The following RFLNA variants were observed in gnomAD, a reference collection of about 807,000 sequenced individuals.
RFLNA encodes the protein refilin-A.
Under a neutral mutation model 7.8 loss-of-function variants are expected in RFLNA, and 5 were observed. The ratio of observed to expected loss-of-function variants is 0.64; its 90% CI spans 0.34 to 1.35. The LOEUF (loss-of-function observed/expected upper bound fraction) is 1.35, where lower values mean the gene tolerates loss of function less well. Ranked by LOEUF, RFLNA falls within the 40% of genes most tolerant of loss-of-function variation. RFLNA has a pLI of 0.04. For synonymous variants in RFLNA, 141 were observed against 131.3 expected, an observed-to-expected ratio of 1.07 and a Z score of -0.50; for missense variants, 278 against 305.5, an observed-to-expected ratio of 0.91 and a Z score of 0.67.
intron 1 of RFLNA, among the ~76,000 whole-genome samples, chr12:124,300,773 TTGAC>T (rs775519614): frequency 0.068 from 4,869 of 71,100 alleles, 105 homozygotes; most frequent in African/African-American, 0.15. Context: ...GATGGATGGA[TTGAC>T]GGATGGATGG....
At chr12:124,311,761 G>A in intron 1 of RFLNA, 57 bp from the exon 2 acceptor site, 1 of 1,434,282 alleles carries the variant, frequency 7.0e-7, no homozygotes, top group Admixed American at 2.4e-5. Context: ...CCAGCAGGGA[G>A]CTGAGGCCAC....
intron 1 of RFLNA, among the ~76,000 whole-genome samples, chr12:124,297,066 A>T (rs1450000457): frequency 6.6e-6 from 1 of 152,162 alleles, no homozygotes; most frequent in Non-Finnish European, 1.5e-5. Context: ...GGGACTTGGC[A>T]CTGTCGCCCA....
rs568753903 is a variant in RFLNA at position 124,295,658 on chromosome 12, C to T, written c.207+22C>T. 1,470 of 1,233,084 alleles carry T rather than the reference C, an allele frequency of 1.2e-3. 15 individuals carry two copies. In the African/African-American group the frequency reaches 0.021, roughly 17 times the overall value. The allele number at this position is 1,233,084 out of a possible 1,614,324, so 76.4% of individuals were successfully genotyped here. ...AGCGGTAAGGAGGCGCTCTCTCTCCCAAACGGGGGACCGCGTGGGCGGGTG... is the reference window on the plus strand; with the variant it reads ...AGCGGTAAGGAGGCGCTCTCTCTCCTAAACGGGGGACCGCGTGGGCGGGTG... On this transcript the variant is annotated intron_variant, in intron 1 of 2. Coordinates refer to ENST00000546355, the MANE Select transcript of RFLNA (RefSeq NM_001365156.1).
intron 1 of RFLNA, among the ~76,000 whole-genome samples, chr12:124,307,936 C>A (rs536807510): frequency 6.6e-6 from 1 of 152,110 alleles, no homozygotes; most frequent in African/African-American, 2.4e-5. Flanking sequence ...GTGGTTGTGC[C>A]CCTGCCATCC....
chr12:124,290,490 T>A (rs1484067420), upstream of RFLNA, among the ~76,000 whole-genome samples: 1 of 137,844 alleles, frequency 7.3e-6, no homozygotes, highest in Non-Finnish European at 1.7e-5. The surrounding 1 kb of genome is among the most constrained non-coding windows in gnomAD (Gnocchi z 4.0). Context: ...TGTGTACACA[T>A]GTGTATTGTG....
rs146127172 is a variant in RFLNA, at chr12:124,304,131, C to T, written c.208-7687C>T. ...CCCAGGCTGGCTGGAGTCCACAGGG[C>T]GCCACGACCGTTTCGATGTTCGAAT... On this transcript the variant is annotated intron_variant, in intron 1 of 2. Transcript: ENST00000546355. Among the ~76,000 whole-genome samples, 9 of 152,380 alleles carry T rather than the reference C, an allele frequency of 5.9e-5. No individual in the cohort carries two copies. The East Asian group carries it at 1.5e-3, about 26-fold the overall frequency.
At position 124,314,497 on chromosome 12, in the gene RFLNA, C is replaced by A. The variant is rs750740794; in HGVS notation, c.623C>A (p.Pro208His). The A allele has an allele frequency of 1.4e-5, 23 of 1,593,020 alleles. No individual in the cohort carries two copies. The highest frequency in any genetic ancestry group is 2.0e-5 in the Non-Finnish European group (23 of 1,176,928). ...VQLQLCQDPAPSLLGPATL is the reference protein window; with the variant it reads ...VQLQLCQDPAHSLLGPATL Reference sequence around the variant, plus strand: ...CTGCAGCTTTGCCAGGACCCTGCCCCCAGCCTCCTGGGCCCTGCCACGCTC... The same window carrying A: ...CTGCAGCTTTGCCAGGACCCTGCCCACAGCCTCCTGGGCCCTGCCACGCTC... The change falls in exon 3 of 3, where the codon CCC (proline) becomes CAC (histidine). Residue 208 changes from proline to histidine, a missense_variant. Physicochemically the swap from Pro to His is moderately conservative, Grantham distance 77. Transcript: ENST00000546355.
intron 1 of RFLNA, among the ~76,000 whole-genome samples, chr12:124,299,393 G>C (rs1187706097): frequency 2.0e-5 from 3 of 152,212 alleles, no homozygotes; most frequent in East Asian, 1.9e-4. Context: ...GGGAACAGGT[G>C]GTATTTGGTG....
chr12:124,314,954 T>C lies in RFLNA; in HGVS notation c.*429T>C. On this transcript the variant is annotated 3_prime_UTR_variant, in exon 3 of 3. Transcript: ENST00000546355. Reference sequence around the variant, plus strand: ...CAGAGCCCTGCCACCCCATGTGTCCTAGGCTGGTGGCCAAGGCCATGTGTG... The same window carrying C: ...CAGAGCCCTGCCACCCCATGTGTCCCAGGCTGGTGGCCAAGGCCATGTGTG... 2.9e-6 allele frequency: 1 copy of C among 343,820 alleles called. No individual in the cohort carries two copies. Among genetic ancestry groups the C allele is most frequent in the East Asian group, 7.6e-5 (1 of 13,242 alleles). The allele number at this position is 343,820 out of a possible 1,614,324, so 21.3% of individuals were successfully genotyped here.
intron 1 of RFLNA, among the ~76,000 whole-genome samples, chr12:124,311,158 C>G (rs1460641778): frequency 6.6e-6 from 1 of 152,178 alleles, no homozygotes; most frequent in African/African-American, 2.4e-5. Context: ...TCTCATTGGC[C>G]CAGTGTGGGT....
At chr12:124,296,128 C>CTTTT (rs1593024627) in intron 1 of RFLNA, among the ~76,000 whole-genome samples, 1 of 3,154 alleles carries the variant, frequency 3.2e-4, no homozygotes, top group Admixed American at 8.1e-3. Flanking sequence ...TTCTTTCTCT[C>CTTTT]TCTCTCTCTC....
chr12:124,296,446 G>C (rs908150820), intron 1 of RFLNA, among the ~76,000 whole-genome samples: 10 of 150,254 alleles, frequency 6.7e-5, no homozygotes, highest in African/African-American at 2.4e-4. Context: ...CGCCTTTGCA[G>C]CCTGAGGAAA....
At chr12:124,299,718 C>G (rs1013222459) in intron 1 of RFLNA, among the ~76,000 whole-genome samples, 1 of 152,216 alleles carries the variant, frequency 6.6e-6, no homozygotes, top group African/African-American at 2.4e-5. Context: ...CATTCCATGG[C>G]GTATATATAT....
chr12:124,302,550 C>A (rs181715808), intron 1 of RFLNA, among the ~76,000 whole-genome samples: 1 of 152,228 alleles, frequency 6.6e-6, no homozygotes, highest in Non-Finnish European at 1.5e-5. Context: ...AAGACCCACC[C>A]CTGCCCCGGC....
intron 1 of RFLNA, among the ~76,000 whole-genome samples, chr12:124,301,090 G>A (rs574932964): frequency 3.3e-5 from 5 of 152,308 alleles, no homozygotes; most frequent in African/African-American, 7.2e-5. Context: ...GAAGGTGTCT[G>A]AGCAAGCTAA....
chr12:124,307,837 G>A (rs976068153), intron 1 of RFLNA, among the ~76,000 whole-genome samples: 7 of 152,200 alleles, frequency 4.6e-5, no homozygotes, highest in Non-Finnish European at 7.3e-5. Context: ...CAATCGAGGT[G>A]TGAGCAGGGC....
intron 1 of RFLNA, among the ~76,000 whole-genome samples, chr12:124,300,758 GGATGGATGGATGGATT>G (rs1344310554): frequency 6.4e-5 from 9 of 139,670 alleles, no homozygotes; most frequent in African/African-American, 1.1e-4. Flanking sequence ...ATGGATGGAT[GGATGGATGGATGGATT>G]GACGGATGGA....
At position 124,306,313 on chromosome 12, in the gene RFLNA, C is replaced by T. The variant is rs1387963192; in HGVS notation, c.208-5505C>T. On this transcript the variant is annotated intron_variant, in intron 1 of 2. Transcript: ENST00000546355. This position sits in a 1 kb window ranked among gnomAD's most constrained non-coding sequence, Gnocchi z 5.2. ...GTCCCCACAGAGGATGCCCCTAAGACTTGGAGAGGACACTGAGTTGGCTCT... is the reference window on the plus strand; with the variant it reads ...GTCCCCACAGAGGATGCCCCTAAGATTTGGAGAGGACACTGAGTTGGCTCT... Among the ~76,000 whole-genome samples the T allele has an allele frequency of 6.6e-6, 1 of 152,158 alleles. No homozygotes were observed. Among genetic ancestry groups the T allele is most frequent in the East Asian group, 1.9e-4 (1 of 5,182 alleles).
chr12:124,290,506 A>C (rs1311333651), upstream of RFLNA, among the ~76,000 whole-genome samples: 1 of 151,876 alleles, frequency 6.6e-6, no homozygotes, highest in Non-Finnish European at 1.5e-5. The surrounding 1 kb of genome is among the most constrained non-coding windows in gnomAD (Gnocchi z 4.0). Flanking sequence ...TTGTGTATGC[A>C]TCTGTGTGTA....
Sources: gnomAD v4.1 joint callset for allele counts (sites outside exome capture counted in the v4.1 genomes callset) on GRCh38, gnomAD v4.1.1 for gene constraint, Gnocchi (gnomAD v3.1) non-coding constraint, MANE v1.5 for transcripts, NCBI Gene and HGNC (gene_info 2026-07-23, HGNC 2026-07-21) for gene names.